AGBL4: variants seen among roughly 807,000 people sequenced by gnomAD.
AGBL4 encodes the protein AGBL carboxypeptidase 4.
Under a neutral mutation model 66.4 loss-of-function variants are expected in AGBL4, and 58 were observed. That is an observed-to-expected ratio of 0.87 (90% CI 0.71 to 1.09). The LOEUF is 1.09. Among genes scored for constraint, AGBL4 ranks in the 50% least tolerant of loss-of-function variants. The pLI is 0.00. For missense variants in AGBL4, 579 were observed against 631.0 expected (o/e 0.92, Z 0.88); for synonymous variants, 234 against 222.9 (o/e 1.05, Z -0.44).
At chr1:49,446,145 C>A (rs1167263702) in intron 3 of AGBL4, among the ~76,000 whole-genome samples, 1 of 152,182 alleles carries the variant, frequency 6.6e-6, no homozygotes, top group Non-Finnish European at 1.5e-5. Context: ...GCCACCATGC[C>A]CAGCCCATAT....
At chr1:49,017,115 G>A (rs764344267) in intron 5 of AGBL4, among the ~76,000 whole-genome samples, 10 of 152,166 alleles carry the variant, frequency 6.6e-5, no homozygotes, top group Non-Finnish European at 1.0e-4. Context: ...ATCTATATCA[G>A]GTCATAGCTA....
chr1:49,368,997 C>A (rs1275620159), intron 3 of AGBL4, among the ~76,000 whole-genome samples: 5 of 152,098 alleles, frequency 3.3e-5, no homozygotes, highest in Admixed American at 3.3e-4. Context: ...ATCGCTTGAA[C>A]CTGGTGGGGG....
At chr1:49,808,977 T>G (rs190812135) in intron 2 of AGBL4, among the ~76,000 whole-genome samples, 1 of 152,168 alleles carries the variant, frequency 6.6e-6, no homozygotes, top group African/African-American at 2.4e-5. Flanking sequence ...ATAAAAATAC[T>G]AAATCAAAAT....
intron 2 of AGBL4, among the ~76,000 whole-genome samples, chr1:49,735,300 T>TGG (rs1649785257): frequency 7.6e-6 from 1 of 131,510 alleles, no homozygotes; most frequent in Non-Finnish European, 1.6e-5. Flanking sequence ...TGTGTGGGTG[T>TGG]GTGTGTGTGT....
chr1:49,034,895 A>G (rs1356060545), intron 5 of AGBL4, among the ~76,000 whole-genome samples: 1 of 152,116 alleles, frequency 6.6e-6, no homozygotes, highest in Non-Finnish European at 1.5e-5. Flanking sequence ...ATGGGCTAAT[A>G]CAAGTATGTA....
chr1:49,556,776 AG>A (rs1643912041), intron 3 of AGBL4, among the ~76,000 whole-genome samples: 1 of 151,996 alleles, frequency 6.6e-6, no homozygotes, highest in African/African-American at 2.4e-5. Context: ...TCCGTCGGGA[AG>A]GCTCGTGCGG....
chr1:49,933,878 G>C (rs1180644931), intron 1 of AGBL4, among the ~76,000 whole-genome samples: 3 of 151,870 alleles, frequency 2.0e-5, no homozygotes, highest in African/African-American at 7.3e-5. Context: ...CAATCAGACA[G>C]GACACAATTA....
chr1:48,645,808 C>A (rs1440613141), intron 8 of AGBL4, among the ~76,000 whole-genome samples: 1 of 152,146 alleles, frequency 6.6e-6, no homozygotes, highest in Non-Finnish European at 1.5e-5. Context: ...GTCGTGGACA[C>A]CCCGCCTCAA....
At chr1:49,821,770 T>C (rs1254894551) in intron 2 of AGBL4, among the ~76,000 whole-genome samples, 3 of 152,234 alleles carry the variant, frequency 2.0e-5, no homozygotes, top group South Asian at 2.1e-4. Flanking sequence ...CTATAAATGA[T>C]AGATTTTCCA....
At chr1:48,921,009 A>G (rs1027489094) in intron 5 of AGBL4, among the ~76,000 whole-genome samples, 1 of 152,138 alleles carries the variant, frequency 6.6e-6, no homozygotes, top group Non-Finnish European at 1.5e-5. Context: ...TACACATTCC[A>G]TTTTCCAAAG....
chr1:48,588,555 G>T (rs1644860010), intron 10 of AGBL4, among the ~76,000 whole-genome samples: 1 of 151,918 alleles, frequency 6.6e-6, no homozygotes, highest in Admixed American at 6.6e-5. Flanking sequence ...TTTAATAAGA[G>T]AATACATGTC....
intron 4 of AGBL4, among the ~76,000 whole-genome samples, chr1:49,210,979 G>A (rs986824236): frequency 1.3e-5 from 2 of 151,908 alleles, no homozygotes; most frequent in African/African-American, 4.8e-5. Context: ...CCTTCCTGAT[G>A]TTGCCCTCTC....
intron 6 of AGBL4, among the ~76,000 whole-genome samples, chr1:48,838,518 C>G (rs184673041): frequency 6.6e-6 from 1 of 152,050 alleles, no homozygotes; most frequent in African/African-American, 2.4e-5. Context: ...CTATCTCTCA[C>G]CATATATAAA....
At chr1:48,901,842 T>C (rs1652112014) in intron 5 of AGBL4, among the ~76,000 whole-genome samples, 1 of 152,082 alleles carries the variant, frequency 6.6e-6, no homozygotes, top group African/African-American at 2.4e-5. Context: ...GTGGTAATAG[T>C]GTATTGATCC....
chr1:48,726,991 A>G (rs1647316746), intron 6 of AGBL4, among the ~76,000 whole-genome samples: 1 of 152,250 alleles, frequency 6.6e-6, no homozygotes. Context: ...CTAATATGCC[A>G]TGCATACTTC....
intron 2 of AGBL4, among the ~76,000 whole-genome samples, chr1:49,807,608 G>T (rs893565757): frequency 6.6e-6 from 1 of 152,154 alleles, no homozygotes; most frequent in South Asian, 2.1e-4. Flanking sequence ...CTGGACTTTT[G>T]ACTTTTGAGT....
At chr1:49,757,045 A>C (rs1651937265) in intron 2 of AGBL4, among the ~76,000 whole-genome samples, 1 of 152,044 alleles carries the variant, frequency 6.6e-6, no homozygotes, top group South Asian at 2.1e-4. Flanking sequence ...TGGTGAAGGA[A>C]CCTCATGGGA....
At chr1:49,833,506 G>A (rs1284446703) in intron 2 of AGBL4, among the ~76,000 whole-genome samples, 1 of 152,064 alleles carries the variant, frequency 6.6e-6, no homozygotes, top group Non-Finnish European at 1.5e-5. Context: ...GAACTTTAAA[G>A]TAGTTTTTTC....
intron 1 of AGBL4, among the ~76,000 whole-genome samples, chr1:50,017,673 G>A (rs1044536298): frequency 2.0e-5 from 3 of 152,128 alleles, no homozygotes; most frequent in Non-Finnish European, 2.9e-5. Flanking sequence ...ATAAGTGGAA[G>A]CTAAACACTA....
Sources: gnomAD v4.1 joint callset for allele counts (sites outside exome capture counted in the v4.1 genomes callset) on GRCh38, gnomAD v4.1.1 for gene constraint, MANE v1.5 for transcripts, NCBI Gene and HGNC (gene_info 2026-07-23, HGNC 2026-07-21) for gene names.